The following MED12L variants were observed in gnomAD, a reference collection of about 807,000 sequenced individuals.
MED12L encodes the protein mediator complex subunit 12L.
Under a neutral mutation model 281.3 loss-of-function variants are expected in MED12L, and 60 were observed. The observed-to-expected ratio is 0.21, with a 90% CI of 0.17 to 0.26. The LOEUF is 0.26. Ranked by LOEUF, MED12L falls within the 10% of genes least tolerant of loss-of-function variation. The pLI is 1.00. For synonymous variants in MED12L, 974 were observed against 987.2 expected (o/e 0.99, Z 0.25); for missense variants, 2,146 against 2,680.9 (o/e 0.80, Z 4.41).
chr3:151,265,357 C>T (rs772557448), intron 16 of MED12L, among the ~76,000 whole-genome samples: 5 of 152,272 alleles, frequency 3.3e-5, no homozygotes, highest in East Asian at 1.9e-4. Flanking sequence ...CCAGCACAGA[C>T]GTGGAATTTC....
At chr3:151,359,345 A>G (rs1342845284) in intron 20 of MED12L, among the ~76,000 whole-genome samples, 2 of 152,066 alleles carry the variant, frequency 1.3e-5, no homozygotes, top group Non-Finnish European at 2.9e-5. Flanking sequence ...TAATTGTGTG[A>G]CACTTTTGTT....
chr3:151,260,693 A>G (rs1738700649), intron 16 of MED12L, among the ~76,000 whole-genome samples: 1 of 152,158 alleles, frequency 6.6e-6, no homozygotes, highest in Non-Finnish European at 1.5e-5. Context: ...GTACAGCTCA[A>G]TGCTGACCGG....
chr3:151,326,915 A>G (rs1749668718), intron 16 of MED12L: 1 of 152,244 alleles, frequency 6.6e-6, no homozygotes, highest in Admixed American at 6.5e-5. Flanking sequence ...AATAAATACA[A>G]GCAGGGTCAC....
chr3:151,332,289 T>C (rs1394473490), intron 16 of MED12L, among the ~76,000 whole-genome samples: 1 of 152,216 alleles, frequency 6.6e-6, no homozygotes, highest in African/African-American at 2.4e-5. Flanking sequence ...GTATTTGCTT[T>C]CATTTGGGAT....
At chr3:151,135,130 A>G (rs987199835) in intron 5 of MED12L, among the ~76,000 whole-genome samples, 3 of 152,042 alleles carry the variant, frequency 2.0e-5, no homozygotes, top group Admixed American at 1.3e-4. Flanking sequence ...GGTTCAAGCA[A>G]TTCTCCCACC....
chr3:151,321,977 G>T lies in MED12L; in HGVS notation c.2251-28082G>T, dbSNP rs181682030. 4.5e-3 allele frequency among the ~76,000 whole-genome samples: 687 copies of T among 152,188 alleles called. 11 individuals are homozygous for T. Among genetic ancestry groups the T allele is most frequent in the African/African-American group, 0.015 (639 of 41,526 alleles). ...AGGAAGCAGAAACCCGGGTTACATG[G>T]ATATTGAAAATATTGATACACCCAG... On this transcript the variant is annotated intron_variant, in intron 16 of 44. Transcript: ENST00000687756.
chr3:151,246,483 T>C (rs574253283), intron 16 of MED12L, among the ~76,000 whole-genome samples: 5 of 152,284 alleles, frequency 3.3e-5, no homozygotes, highest in Admixed American at 6.5e-5. Context: ...TACAACTCTC[T>C]GATCTTTGAC....
At chr3:151,368,602 TTTA>T (rs1467735401) in intron 25 of MED12L, among the ~76,000 whole-genome samples, 2 of 61,790 alleles carry the variant, frequency 3.2e-5, no homozygotes, top group African/African-American at 7.4e-5. Flanking sequence ...TTTATTTTAT[TTTA>T]TTTTATTTTA....
chr3:151,246,769 T>C (rs1206607877), intron 16 of MED12L, among the ~76,000 whole-genome samples: 1 of 151,964 alleles, frequency 6.6e-6, no homozygotes, highest in African/African-American at 2.4e-5. Context: ...AATTGACAAA[T>C]GGGATCTAAT....
intron 4 of MED12L, 35 bp from the exon 5 acceptor site, chr3:151,127,790 G>A (rs755829594): frequency 6.8e-7 from 1 of 1,478,508 alleles, no homozygotes. Flanking sequence ...CACAGTACGT[G>A]ATTATTATAA....
At chr3:151,389,275 G>T (rs1448987642) in intron 37 of MED12L, among the ~76,000 whole-genome samples, 1 of 152,174 alleles carries the variant, frequency 6.6e-6, no homozygotes, top group African/African-American at 2.4e-5. Flanking sequence ...TGCTCCCCAG[G>T]TCAGTCTGGT....
intron 16 of MED12L, among the ~76,000 whole-genome samples, chr3:151,205,314 C>G (rs1045044252): frequency 6.6e-6 from 1 of 152,086 alleles, no homozygotes; most frequent in Non-Finnish European, 1.5e-5. Context: ...CTATTCATTA[C>G]TTATGAATAT....
At chr3:151,272,330 CAAAT>C in intron 16 of MED12L, among the ~76,000 whole-genome samples, 1 of 152,274 alleles carries the variant, frequency 6.6e-6, no homozygotes, top group East Asian at 1.9e-4. Flanking sequence ...TGTTTTTGGA[CAAAT>C]AAACATAAAT....
intron 5 of MED12L, among the ~76,000 whole-genome samples, chr3:151,134,182 G>A (rs1192183541): frequency 7.2e-6 from 1 of 139,528 alleles, no homozygotes; most frequent in Non-Finnish European, 1.5e-5. Context: ...TTGCTGTTGT[G>A]GGGTTGTTTT....
intron 16 of MED12L, among the ~76,000 whole-genome samples, chr3:151,283,150 T>A (rs1288311891): frequency 6.6e-6 from 1 of 152,202 alleles, no homozygotes; most frequent in African/African-American, 2.4e-5. Flanking sequence ...GTAACAGTTT[T>A]TAAAAAAATT....
chr3:151,247,616 G>GA (rs1559934211), intron 16 of MED12L, among the ~76,000 whole-genome samples: 1 of 123,844 alleles, frequency 8.1e-6, no homozygotes, highest in Non-Finnish European at 1.7e-5. Flanking sequence ...CTGTTGTGGG[G>GA]TCGGGGAGGG....
chr3:151,367,513 TATC>T, intron 23 of MED12L, 130 bp from the exon 24 acceptor site: 1 of 721,070 alleles, frequency 1.4e-6, no homozygotes. Flanking sequence ...CATGATATGT[TATC>T]ATTTCCCTCT....
At chr3:151,417,473 A>G (rs991707633) in intron 43 of MED12L, among the ~76,000 whole-genome samples, 4 of 39,542 alleles carry the variant, frequency 1.0e-4, no homozygotes, top group African/African-American at 2.0e-4. Context: ...CCGCTCCCCC[A>G]GCTCCCCCCC....
chr3:151,158,765 ATCT>A lies in MED12L; in HGVS notation c.808_810del (p.Leu270del), dbSNP rs780721443. ...GAAAAGATCAGACCAATGGATGATG[ATCT>A]TCTTAAACTCTTGCTACCACTAATG... On this transcript the variant is annotated inframe_deletion, in exon 7 of 45. Coordinates refer to ENST00000687756, the MANE Select transcript of MED12L (RefSeq NM_001393769.1). 6.2e-6 allele frequency: 10 copies of A among 1,613,034 alleles called. No homozygotes were observed. The African/African-American group carries it at 6.7e-5, about 11-fold the overall frequency.
Sources: allele counts gnomAD v4.1 joint callset (sites outside exome capture counted in the v4.1 genomes callset), GRCh38; gene constraint gnomAD v4.1.1; transcripts MANE v1.5; gene names NCBI Gene and HGNC (gene_info 2026-07-23, HGNC 2026-07-21).